Variants in ADGRA1 observed in about 807,000 individuals in gnomAD.
ADGRA1 encodes the protein G-protein coupled receptor 123.
In ADGRA1, 12 loss-of-function variants were observed where a neutral mutation model predicts 21.3. That is an observed-to-expected ratio of 0.56 (90% CI 0.36 to 0.91). ADGRA1 has a LOEUF of 0.91. Among genes scored for constraint, ADGRA1 ranks in the 40% least tolerant of loss-of-function variants. The pLI is 0.01. For missense variants in ADGRA1, 790 were observed against 805.6 expected (o/e 0.98, Z 0.23); for synonymous variants, 385 against 368.8 (o/e 1.04, Z -0.50).
chr10:133,102,965 G>A (rs769294347), intron 5 of ADGRA1, 123 bp downstream of exon 5: 6 of 1,086,166 alleles, frequency 5.5e-6, no homozygotes, highest in Non-Finnish European at 7.8e-6. Flanking sequence ...CGGTCCATGG[G>A]GGAGGGTCAG....
rs1171787038 is a variant in ADGRA1, at chr10:133,128,497, A to T, written c.669A>T (p.Thr223=). Residue 223 remains threonine, a synonymous_variant, in exon 7 of 7, where the codon ACA becomes ACT. Transcript: ENST00000392607. Reference sequence around the variant, plus strand: ...CCGAGGAGCAGCGGCGGCTGGCGACACCCGAGGGCGGCCGTGGGATCCGGC... The same window carrying T: ...CCGAGGAGCAGCGGCGGCTGGCGACTCCCGAGGGCGGCCGTGGGATCCGGC... ...TQPEEQRRLA[T]PEGGRGIRPG... is the part of the protein sequence containing the mutation. 6.4e-7 allele frequency: 1 copy of T among 1,553,896 alleles called. No individual in the cohort carries two copies. The highest frequency in any genetic ancestry group is 8.7e-7 in the Non-Finnish European group (1 of 1,150,844).
At chr10:133,125,449 A>T (rs1381126334) in intron 5 of ADGRA1, among the ~76,000 whole-genome samples, 4 of 152,152 alleles carry the variant, frequency 2.6e-5, no homozygotes. Context: ...TTTGAGACGG[A>T]GTCTCGTTCT....
chr10:133,124,415 C>T (rs1852336402), intron 5 of ADGRA1, among the ~76,000 whole-genome samples: 1 of 152,194 alleles, frequency 6.6e-6, no homozygotes, highest in African/African-American at 2.4e-5. Flanking sequence ...TTCAGATCCG[C>T]CCTCCCTTTC....
At chr10:133,114,466 A>G (rs1852118625) in intron 5 of ADGRA1, among the ~76,000 whole-genome samples, 2 of 152,182 alleles carry the variant, frequency 1.3e-5, no homozygotes, top group African/African-American at 4.8e-5. Context: ...TGCCGTCTGC[A>G]GGGTACAGCT....
Position 133,088,784 on chromosome 10 carries a change from G to A in ADGRA1, c.-126G>A. On this transcript the variant is annotated 5_prime_UTR_variant, in exon 2 of 7. Coordinates refer to ENST00000392607, the MANE Select transcript of ADGRA1 (RefSeq NM_001083909.3). The stretch of plus-strand genomic sequence containing the variant: ...AGGGGCCCGGGAGCGCGACCTCCTG[G>A]CCGCCGTCTGGGACTTTGACCTTCC... 8.1e-7 allele frequency: 1 copy of A among 1,232,302 alleles called. No homozygotes were observed. The highest frequency in any genetic ancestry group is 1.0e-6 in the Non-Finnish European group (1 of 987,822). The allele number at this position is 1,232,302 out of a possible 1,614,324, so 76.3% of individuals were successfully genotyped here.
At chr10:133,127,162 G>T in intron 5 of ADGRA1, 71 bp from the exon 6 acceptor site, 1 of 974,398 alleles carries the variant, frequency 1.0e-6, no homozygotes, top group East Asian at 3.2e-5. Flanking sequence ...GCGGAGTGGG[G>T]GAGGGACAGC....
chr10:133,112,813 C>A (rs1316462561), intron 5 of ADGRA1, among the ~76,000 whole-genome samples: 2 of 131,114 alleles, frequency 1.5e-5, no homozygotes, highest in African/African-American at 5.9e-5. Context: ...CGTGTTGGTT[C>A]GGTTATTTGG....
rs1004494778 is a variant in ADGRA1 at position 133,128,542 on chromosome 10, C to T, written c.714C>T (p.His238=). The change falls in exon 7 of 7, where the codon CAC becomes CAT. Residue 238 remains histidine (H), a synonymous_variant. Transcript: ENST00000392607. ...TCCGGCCAGGCACCCCACCCGCACA[C>T]GATGCCCCCGGCGCCTCCGTGCTGC... ...RGIRPGTPPA[H]DAPGASVLQN... 6.4e-6 allele frequency: 10 copies of T among 1,550,660 alleles called. No individual in the cohort carries two copies. The highest frequency in any genetic ancestry group is 2.4e-5 in the East Asian group (1 of 41,026).
rs373389587 is a variant in ADGRA1, at chr10:133,112,317, C to T, written c.401+9475C>T. Among the ~76,000 whole-genome samples the T allele has an allele frequency of 1.8e-4, 27 of 151,790 alleles. No individual in the cohort carries two copies. The East Asian group carries it at 4.1e-3, about 23-fold the overall frequency. Reference sequence around the variant, plus strand: ...TGTCAGTTATTTGGGGTCTGCGGGCCGCATCGGTTATCTGGGGTCTGCAGG... The same window carrying T: ...TGTCAGTTATTTGGGGTCTGCGGGCTGCATCGGTTATCTGGGGTCTGCAGG... On this transcript the variant is annotated intron_variant, in intron 5 of 6. Coordinates refer to ENST00000392607, the MANE Select transcript of ADGRA1 (RefSeq NM_001083909.3).
At chr10:133,123,719 C>G (rs185332503) in intron 5 of ADGRA1, among the ~76,000 whole-genome samples, 24 of 152,104 alleles carry the variant, frequency 1.6e-4, no homozygotes, top group Non-Finnish European at 2.4e-4. Flanking sequence ...CTCCCTCCCC[C>G]CCCCCGGCAC....
rs1852443770 is a variant in ADGRA1, at chr10:133,128,863, C to T, written c.1035C>T (p.His345=). 3 of 1,577,398 alleles carry T rather than the reference C, an allele frequency of 1.9e-6. No homozygotes were observed. The highest frequency in any genetic ancestry group is 1.7e-6 in the Non-Finnish European group (2 of 1,165,382). The change falls in exon 7 of 7, where the codon CAC becomes CAT. Residue 345 remains histidine, a synonymous_variant. Coordinates refer to ENST00000392607, the MANE Select transcript of ADGRA1 (RefSeq NM_001083909.3). ...CGCTGGGCCGCGCCGCCTGCCTGCA[C>T]TCGCCGGGACTGGGCCAGCCACGGG... ...GAALGRAACL[H]SPGLGQPRGF... is the part of the protein sequence containing the mutation.
At chr10:133,114,379 C>A (rs1185879477) in intron 5 of ADGRA1, among the ~76,000 whole-genome samples, 2 of 152,180 alleles carry the variant, frequency 1.3e-5, no homozygotes, top group Admixed American at 1.3e-4. Flanking sequence ...CGGACCAGAG[C>A]GGCGGTGCTA....
intron 5 of ADGRA1, among the ~76,000 whole-genome samples, chr10:133,121,829 G>A (rs1317431096): frequency 6.9e-6 from 1 of 145,868 alleles, no homozygotes; most frequent in South Asian, 2.2e-4. Context: ...GTGCATGCCT[G>A]TGCATATATG....
chr10:133,116,522 T>C (rs1438542708), intron 5 of ADGRA1, among the ~76,000 whole-genome samples: 1 of 149,724 alleles, frequency 6.7e-6, no homozygotes, highest in Non-Finnish European at 1.5e-5. Flanking sequence ...CAAACCCTTC[T>C]CCCACCCAGA....
chr10:133,094,222 C>T (rs1008116889), intron 2 of ADGRA1, among the ~76,000 whole-genome samples: 11 of 152,380 alleles, frequency 7.2e-5, no homozygotes, highest in Non-Finnish European at 1.3e-4. Flanking sequence ...GCGCAGCCTG[C>T]ACCTTGCACT....
At chr10:133,122,215 A>G (rs7904723) in intron 5 of ADGRA1, among the ~76,000 whole-genome samples, 97,217 of 151,712 alleles carry the variant, frequency 0.64, 31,908 homozygotes, top group African/African-American at 0.79. Flanking sequence ...ACCTGGGCCC[A>G]GGACCTTTTC....
intron 5 of ADGRA1, among the ~76,000 whole-genome samples, chr10:133,116,107 C>T (rs113878638): frequency 0.048 from 7,241 of 152,120 alleles, 543 homozygotes; most frequent in African/African-American, 0.16. Context: ...CCACCCACGC[C>T]GCTCTGCAGG....
At chr10:133,122,800 GCCAGGCACACGCATCC>G (rs565468978) in intron 5 of ADGRA1, among the ~76,000 whole-genome samples, 52 of 145,860 alleles carry the variant, frequency 3.6e-4, no homozygotes, top group African/African-American at 9.0e-4. Flanking sequence ...CGGTTCACCA[GCCAGGCACACGCATCC>G]CCAGGCACAC....
intron 5 of ADGRA1, among the ~76,000 whole-genome samples, chr10:133,112,541 T>C (rs549348766): frequency 2.7e-5 from 4 of 148,448 alleles, no homozygotes; most frequent in African/African-American, 5.0e-5. Flanking sequence ...GCCGCGTCGG[T>C]TATTTGAGGT....
Sources: allele counts gnomAD v4.1 joint callset (sites outside exome capture counted in the v4.1 genomes callset), GRCh38; gene constraint gnomAD v4.1.1; transcripts MANE v1.5; gene names NCBI Gene and HGNC (gene_info 2026-07-23, HGNC 2026-07-21).